Variants in ZNF175 observed in about 807,000 individuals in gnomAD.
ZNF175 encodes the protein zinc finger protein OTK18.
ZNF175 carries 8 observed loss-of-function variants against 14.0 expected under a neutral mutation model. The ratio of observed to expected loss-of-function variants is 0.57; its 90% CI spans 0.34 to 1.03. ZNF175 has a LOEUF of 1.03. ZNF175 is among the 50% of genes least tolerant of loss of function. ZNF175 has a pLI of 0.03. For missense variants in ZNF175, 764 were observed against 849.5 expected, an observed-to-expected ratio of 0.90 and a Z score of 1.25; for synonymous variants, 255 against 296.8, an observed-to-expected ratio of 0.86 and a Z score of 1.45.
Position 51,591,402 on chromosome 19 carries a change from A to G in ZNF175, c.*2935A>G, listed in dbSNP as rs1982340772. The G allele has an allele frequency of 6.6e-6, 1 of 152,248 alleles. No individual in the cohort carries two copies. The highest frequency in any genetic ancestry group is 2.1e-4 in the South Asian group (1 of 4,832). The allele number at this position is 152,248 out of a possible 1,614,324, so 9.4% of individuals were successfully genotyped here. The stretch of plus-strand genomic sequence containing the variant: ...TCCCAGGGAGCTATCTAAAGTTTTC[A>G]GTCACATGAGGGCATGCTCACAGAT... On this transcript the variant is annotated 3_prime_UTR_variant, in exon 5 of 5. Transcript: ENST00000262259.
chr19:51,577,764 C>T (rs180964492), intron 2 of ZNF175, among the ~76,000 whole-genome samples: 1,808 of 150,500 alleles, frequency 0.012, 31 homozygotes, highest in African/African-American at 0.041. Flanking sequence ...CCCGGGTTCA[C>T]GCCATTCTCC....
At chr19:51,571,691 T>G (rs1218264567) in intron 1 of ZNF175, among the ~76,000 whole-genome samples, 1 of 152,242 alleles carries the variant, frequency 6.6e-6, no homozygotes, top group Non-Finnish European at 1.5e-5. Context: ...ACTTGCTAAC[T>G]TGAGGACAGT....
At chr19:51,586,552 G>T in intron 4 of ZNF175, 75 bp from the exon 5 acceptor site, 2 of 1,442,274 alleles carry the variant, frequency 1.4e-6, no homozygotes, top group Non-Finnish European at 1.9e-6. Flanking sequence ...CTTGTGTTCT[G>T]TGTCAATCAG....
Position 51,592,144 on chromosome 19 carries a change from C to A in ZNF175, c.*3677C>A. On this transcript the variant is annotated 3_prime_UTR_variant, in exon 5 of 5. Coordinates refer to ENST00000262259, the MANE Select transcript of ZNF175 (RefSeq NM_007147.4). ...CTGCCCAGAGTCCCCTGCCCCCACC[C>A]CCAAAACCAGTACTTGATCCATCCT... 6.3e-6 allele frequency: 1 copy of A among 158,518 alleles called. No individual in the cohort carries two copies. Among genetic ancestry groups the A allele is most frequent in the Non-Finnish European group, 1.4e-5 (1 of 72,390 alleles). 9.8% of individuals were successfully genotyped at this position (158,518 alleles called of 1,614,324 possible).
At chr19:51,573,847 G>A (rs535118919) in intron 2 of ZNF175, 19 of 211,864 alleles carry the variant, frequency 9.0e-5, no homozygotes, top group African/African-American at 3.9e-4. Context: ...AATTTAAATA[G>A]TCACAGGGAG....
At position 51,588,529 on chromosome 19, in the gene ZNF175, A is replaced by T; in HGVS notation, c.*62A>T. 3 of 1,479,140 alleles carry T rather than the reference A, an allele frequency of 2.0e-6. No homozygotes were observed. The highest frequency in any genetic ancestry group is 2.7e-6 in the Non-Finnish European group (3 of 1,118,110). The allele number at this position is 1,479,140 out of a possible 1,614,324, so 91.6% of individuals were successfully genotyped here. On this transcript the variant is annotated 3_prime_UTR_variant, in exon 5 of 5. Coordinates refer to ENST00000262259, the MANE Select transcript of ZNF175 (RefSeq NM_007147.4). ...ACTCCGAGTTTCTTGAAGAAGAGAA[A>T]ATCTTCTCAGAATCAGGTCTAATTA... is the stretch of plus-strand genomic sequence containing the variant.
intron 4 of ZNF175, among the ~76,000 whole-genome samples, chr19:51,582,231 C>CT (rs1470388509): frequency 6.6e-6 from 1 of 152,200 alleles, no homozygotes; most frequent in Non-Finnish European, 1.5e-5. Context: ...TAACACTTGG[C>CT]ATTAACAAAA....
intron 4 of ZNF175, among the ~76,000 whole-genome samples, chr19:51,582,726 G>A (rs2122571198): frequency 6.6e-6 from 1 of 152,120 alleles, no homozygotes; most frequent in African/African-American, 2.4e-5. Flanking sequence ...CGTCCATGGA[G>A]TTTTCTGCCT....
At position 51,590,026 on chromosome 19, in the gene ZNF175, C is replaced by T. The variant is rs1238862222; in HGVS notation, c.*1559C>T. 5 of 160,764 alleles carry T rather than the reference C, an allele frequency of 3.1e-5. No individual in the cohort carries two copies. The highest frequency in any genetic ancestry group is 3.2e-3 in the Middle Eastern group (1 of 310). The allele number at this position is 160,764 out of a possible 1,614,324, so 10.0% of individuals were successfully genotyped here. A position where few individuals can be genotyped will look rare whatever the true frequency, so the allele number is the denominator to read the frequency against. On this transcript the variant is annotated 3_prime_UTR_variant, in exon 5 of 5. Transcript: ENST00000262259. ...TACAATCCATGATGGATTGTACACA[C>T]GTGTATTCTATGAGGTTGACCTGCC...
intron 2 of ZNF175, among the ~76,000 whole-genome samples, chr19:51,578,692 C>G (rs7256055): frequency 6.6e-6 from 1 of 152,048 alleles, no homozygotes; most frequent in Non-Finnish European, 1.5e-5. Context: ...CACTTGAGCC[C>G]GGAGGTCGAG....
rs762322486 is a variant in ZNF175 at position 51,588,362 on chromosome 19, A to G, written c.2031A>G (p.Gly677=). 7 of 1,613,664 alleles carry G rather than the reference A, an allele frequency of 4.3e-6. No homozygotes were observed. The South Asian group carries it at 6.6e-5, about 15-fold the overall frequency. ...GERPYVCSEC[G]KAFNNRSNFN... ...GACCTTATGTGTGTTCTGAATGTGG[A>G]AAGGCCTTCAACAACAGGTCAAACT... Residue 677 remains glycine (G), a synonymous_variant, in exon 5 of 5, where the codon GGA becomes GGG. Transcript: ENST00000262259.
rs893714930 is a variant in ZNF175, at chr19:51,588,001, A to G, written c.1670A>G (p.Lys557Arg). The G allele has an allele frequency of 6.2e-7, 1 of 1,613,996 alleles. No homozygotes were observed. Among genetic ancestry groups the G allele is most frequent in the Non-Finnish European group, 8.5e-7 (1 of 1,179,986 alleles). Residue 557 changes from lysine (K) to arginine (R), a missense_variant, in exon 5 of 5, where the codon AAG becomes AGG. By Grantham distance (26) the Lys-to-Arg change is conservative (BLOSUM62 2). Transcript: ENST00000262259. The part of the protein sequence containing the change: ...SMHQRIHTGE[K>R]PYKCSECGKA... The stretch of plus-strand genomic sequence containing the variant: ...CATCAGAGAATTCACACCGGAGAGA[A>G]GCCTTACAAATGCAGTGAATGTGGG...
chr19:51,581,284 G>C, intron 2 of ZNF175, 107 bp from the exon 3 acceptor site: 1 of 1,529,102 alleles, frequency 6.5e-7, no homozygotes, highest in Non-Finnish European at 9.0e-7. Flanking sequence ...GGAAGCCTCT[G>C]TGATGGATCG....
At chr19:51,572,540 C>T (rs1397699127) in intron 1 of ZNF175, among the ~76,000 whole-genome samples, 2 of 152,152 alleles carry the variant, frequency 1.3e-5, no homozygotes, top group African/African-American at 4.8e-5. Context: ...ACAGAGCCAC[C>T]TCCCGGCCTG....
intron 1 of ZNF175, among the ~76,000 whole-genome samples, chr19:51,572,748 A>G (rs1479574606): frequency 6.6e-6 from 1 of 152,180 alleles, no homozygotes; most frequent in Non-Finnish European, 1.5e-5. Context: ...CATCCTCAAA[A>G]TGGGTATGAT....
Position 51,588,926 on chromosome 19 carries a change from A to C in ZNF175, c.*459A>C. ...ATGTGTGTGTGTGCGCCTTATGTAT[A>C]TAAGCATATATATAATATATAAGCA... On this transcript the variant is annotated 3_prime_UTR_variant, in exon 5 of 5. Coordinates refer to ENST00000262259, the MANE Select transcript of ZNF175 (RefSeq NM_007147.4). 2.6e-6 allele frequency: 1 copy of C among 384,790 alleles called. No homozygotes were observed. 23.8% of individuals were successfully genotyped at this position (384,790 alleles called of 1,614,324 possible).
At chr19:51,578,641 GC>G (rs948119821) in intron 2 of ZNF175, among the ~76,000 whole-genome samples, 4 of 152,118 alleles carry the variant, frequency 2.6e-5, no homozygotes, top group African/African-American at 9.7e-5. Flanking sequence ...GGTGGTGTGT[GC>G]CTGTGATCCC....
At position 51,587,858 on chromosome 19, in the gene ZNF175, A is replaced by T. The variant is rs993793815; in HGVS notation, c.1527A>T (p.Gly509=). The T allele has an allele frequency of 6.2e-7, 1 of 1,614,034 alleles. No individual in the cohort carries two copies. The highest frequency in any genetic ancestry group is 8.5e-7 in the Non-Finnish European group (1 of 1,180,004). The change falls in exon 5 of 5, where the codon GGA becomes GGT. Residue 509 remains glycine, a synonymous_variant. Coordinates refer to ENST00000262259, the MANE Select transcript of ZNF175 (RefSeq NM_007147.4). ...AACCTTATGAATGCAGTGACTGTGG[A>T]AAAACCTTCACCCAAAAGTCACACC... ...GEKPYECSDC[G]KTFTQKSHLN... is the part of the protein sequence containing the mutation.
At chr19:51,576,140 G>GTT (rs1317986267) in intron 2 of ZNF175, among the ~76,000 whole-genome samples, 15 of 135,320 alleles carry the variant, frequency 1.1e-4, no homozygotes, top group Admixed American at 6.9e-4. Flanking sequence ...TTCAGGGACA[G>GTT]TTTTTTTTTT....
Sources: gnomAD v4.1 joint callset for allele counts (sites outside exome capture counted in the v4.1 genomes callset) on GRCh38, gnomAD v4.1.1 for gene constraint, MANE v1.5 for transcripts, NCBI Gene and HGNC (gene_info 2026-07-23, HGNC 2026-07-21) for gene names.